Variants in ARFGEF1 observed in about 807,000 individuals in gnomAD.
The protein encoded by ARFGEF1 is brefeldin A-inhibited guanine nucleotide-exchange protein 1.
A neutral mutation model predicts 231.0 loss-of-function variants in ARFGEF1; 42 were observed. The observed-to-expected ratio is 0.18, with a 90% CI of 0.14 to 0.24. The LOEUF (loss-of-function observed/expected upper bound fraction) is 0.24, where lower values mean the gene tolerates loss of function less well. Ranked by LOEUF, ARFGEF1 falls within the 10% of genes least tolerant of loss-of-function variation. The pLI, the probability that ARFGEF1 is intolerant of heterozygous loss-of-function variation, is 1.00. For missense variants in ARFGEF1, 1,345 were observed against 2,192.0 expected (o/e 0.61, Z 7.72); for synonymous variants, 710 against 732.3 (o/e 0.97, Z 0.49).
intron 5 of ARFGEF1, among the ~76,000 whole-genome samples, chr8:67,180,526 A>G (rs541134113): frequency 6.6e-6 from 1 of 152,318 alleles, no homozygotes; most frequent in East Asian, 1.9e-4. Flanking sequence ...AGGGGTAGAT[A>G]CATACATGTA....
chr8:67,223,780 T>C (rs1839281689), intron 29 of ARFGEF1, among the ~76,000 whole-genome samples: 2 of 152,164 alleles, frequency 1.3e-5, no homozygotes, highest in Non-Finnish European at 2.9e-5. Flanking sequence ...TGAGTTTTCA[T>C]GACCTGCTAG....
intron 1 of ARFGEF1, among the ~76,000 whole-genome samples, chr8:67,329,606 G>C (rs1394677048): frequency 6.7e-6 from 1 of 149,758 alleles, no homozygotes; most frequent in Non-Finnish European, 1.5e-5. Context: ...GAAAGAGCTA[G>C]AAAAAAAGCA....
intron 5 of ARFGEF1, among the ~76,000 whole-genome samples, chr8:67,189,741 G>C (rs183014213): frequency 3.0e-3 from 458 of 152,290 alleles, no homozygotes; most frequent in Middle Eastern, 0.017. Flanking sequence ...GTGTAGCAAA[G>C]AGGCTTGGCA....
intron 5 of ARFGEF1, among the ~76,000 whole-genome samples, chr8:67,188,074 T>C (rs759080128): frequency 6.6e-6 from 1 of 152,196 alleles, no homozygotes; most frequent in Non-Finnish European, 1.5e-5. Context: ...TAAAAGACAC[T>C]GTTAATTAAG....
At chr8:67,259,273 C>G (rs917170565) in intron 15 of ARFGEF1, among the ~76,000 whole-genome samples, 4 of 152,214 alleles carry the variant, frequency 2.6e-5, no homozygotes, top group African/African-American at 9.6e-5. Flanking sequence ...GTAGCCCACG[C>G]TGGAGTGCAG....
At chr8:67,268,167 A>G (rs140983502) in intron 10 of ARFGEF1, among the ~76,000 whole-genome samples, 2 of 152,328 alleles carry the variant, frequency 1.3e-5, no homozygotes, top group African/African-American at 4.8e-5. Context: ...AACCCAGAAA[A>G]TCACATTTAT....
At chr8:67,267,520 C>G in intron 10 of ARFGEF1, 78 bp from the exon 11 acceptor site, 2 of 941,102 alleles carry the variant, frequency 2.1e-6, no homozygotes, top group Admixed American at 2.3e-5. Flanking sequence ...CATCCCAGAG[C>G]TATAGAGCAG....
intron 5 of ARFGEF1, chr8:67,175,623 C>T: frequency 1.4e-6 from 1 of 718,586 alleles, no homozygotes; most frequent in South Asian, 1.5e-5. Flanking sequence ...AGTGGCTCCA[C>T]TAGGGTGGTG....
Position 67,274,280 on chromosome 8 carries a change from C to CA in ARFGEF1, c.1337+1695dup, listed in dbSNP as rs1480483665. 8.5e-5 allele frequency among the ~76,000 whole-genome samples: 10 copies of CA among 117,728 alleles called. No homozygotes were observed. The East Asian group carries it at 9.7e-4, about 11-fold the overall frequency. The allele number at this position is 117,728 out of a possible 152,430, so 77.2% of individuals were successfully genotyped here. A position where few individuals can be genotyped will look rare whatever the true frequency, so the allele number is the denominator to read the frequency against. ...CAGAAAATATAAGGGGAAGCAAAGA[C>CA]AAAAAAAAGAAAATGATGTAACTAC... On this transcript the variant is annotated intron_variant, in intron 9 of 38. Transcript: ENST00000262215.
chr8:67,294,088 AT>A (rs1212825652), intron 5 of ARFGEF1, among the ~76,000 whole-genome samples: 2 of 152,060 alleles, frequency 1.3e-5, no homozygotes, highest in African/African-American at 4.8e-5. Flanking sequence ...TTTGGTCGTT[AT>A]TCCCTAAACA....
Position 67,227,951 on chromosome 8 carries a change from T to A in ARFGEF1, c.3591+12A>T. 1 of 1,539,684 alleles carries A rather than the reference T, an allele frequency of 6.5e-7. No homozygotes were observed. Among genetic ancestry groups the A allele is most frequent in the African/African-American group, 1.4e-5 (1 of 71,362 alleles). ...CTACAAATGTAAACAAACACCATAGTTATTCAAATACCTTATTAAAATGAT... is the reference window on the plus strand; with the variant it reads ...CTACAAATGTAAACAAACACCATAGATATTCAAATACCTTATTAAAATGAT... On this transcript the variant is annotated intron_variant, in intron 25 of 38. Transcript: ENST00000262215.
intron 14 of ARFGEF1, among the ~76,000 whole-genome samples, chr8:67,263,281 C>A (rs996665731): frequency 3.9e-5 from 6 of 152,146 alleles, no homozygotes; most frequent in African/African-American, 1.4e-4. Flanking sequence ...GGTGCTCCAA[C>A]ACCTGTCATT....
At chr8:67,182,317 CTTTTT>C (rs112406408) in intron 5 of ARFGEF1, among the ~76,000 whole-genome samples, 1 of 146,248 alleles carries the variant, frequency 6.8e-6, no homozygotes, top group African/African-American at 2.5e-5. Flanking sequence ...CAGATTTCCC[CTTTTT>C]TTTTTTATGC....
At chr8:67,202,751 G>A (rs908117495) in intron 36 of ARFGEF1, among the ~76,000 whole-genome samples, 13 of 152,080 alleles carry the variant, frequency 8.5e-5, no homozygotes, top group African/African-American at 2.9e-4. Flanking sequence ...TTGTGTGTGC[G>A]ACTTTTACAC....
At chr8:67,224,374 T>A (rs1839302878) in intron 29 of ARFGEF1, among the ~76,000 whole-genome samples, 2 of 152,214 alleles carry the variant, frequency 1.3e-5, no homozygotes, top group Non-Finnish European at 2.9e-5. Context: ...ATAATACCCA[T>A]AATAGTTCCT....
rs3739430 is a variant in ARFGEF1, at chr8:67,198,994, G to A, written c.5490C>T (p.Ile1830=). ...GTTGTGATATCTGAAAAACTACTCC[G>A]ATTCGCAGAAAAAATCTTCTAAGAA... The part of the protein sequence containing the change: ...RAVLRRFFLR[I]GVVFQISQPP... The change falls in exon 39 of 39, where the codon ATC becomes ATT. Residue 1830 remains isoleucine (I), a synonymous_variant. Transcript: ENST00000262215. The A allele has an allele frequency of 3.3e-4, 540 of 1,612,508 alleles. 4 individuals are homozygous for A. In the East Asian group the frequency reaches 0.011, roughly 34 times the overall value.
intron 10 of ARFGEF1, among the ~76,000 whole-genome samples, chr8:67,268,851 G>A (rs906589416): frequency 2.0e-5 from 3 of 152,102 alleles, no homozygotes; most frequent in African/African-American, 7.2e-5. Flanking sequence ...ATAGAACATA[G>A]AACTGGAGGT....
Position 67,343,461 on chromosome 8 carries a change from G to A in ARFGEF1, c.-174C>T, listed in dbSNP as rs924796980. ...GGGGCGGGCGAGCGGGACCAGCCGC[G>A]GTGTCGGCGAAGGGCGTCGAGGTCC... On this transcript the variant is annotated 5_prime_UTR_variant, in exon 1 of 39. Coordinates refer to ENST00000262215, the MANE Select transcript of ARFGEF1 (RefSeq NM_006421.5). 7 of 1,348,888 alleles carry A rather than the reference G, an allele frequency of 5.2e-6. No homozygotes were observed. The African/African-American group carries it at 8.9e-5, about 17-fold the overall frequency. 83.6% of individuals were successfully genotyped at this position (1,348,888 alleles called of 1,614,324 possible). A position where few individuals can be genotyped will look rare whatever the true frequency, so the allele number is the denominator to read the frequency against.
chr8:67,240,239 C>T lies in ARFGEF1; in HGVS notation c.2902G>A (p.Asp968Asn). 1 of 1,613,144 alleles carries T rather than the reference C, an allele frequency of 6.2e-7. No homozygotes were observed. The highest frequency in any genetic ancestry group is 1.1e-5 in the South Asian group (1 of 90,852). Residue 968 changes from aspartate to asparagine, a missense_variant, in exon 20 of 39, where the codon GAT (aspartate) becomes AAT (asparagine). By Grantham distance (23) the Asp-to-Asn change is conservative. This residue lies in a region of ARFGEF1 where 146 missense variants were observed against 321.4 expected (regional missense o/e 0.45). Coordinates refer to ENST00000262215, the MANE Select transcript of ARFGEF1 (RefSeq NM_006421.5). ...CAAAGAGAGGCTACTTCAGTATCAT[C>T]ACAATCTTGTAGACCCACACTGAAT... ...AAFSVGLQDC[D>N]DTEVASLCLE...
Sources: allele counts gnomAD v4.1 joint callset (sites outside exome capture counted in the v4.1 genomes callset), GRCh38; gene constraint gnomAD v4.1.1; regional missense constraint gnomAD v4.1.1; transcripts MANE v1.5; gene names NCBI Gene and HGNC (gene_info 2026-07-23, HGNC 2026-07-21).